Variants in ARB2A observed in about 807,000 individuals in gnomAD.
ARB2A encodes the protein cotranscriptional regulator ARB2A.
At chr5:94,097,133 C>T in the ARB2A span, among the ~76,000 whole-genome samples, 90 of 152,310 alleles carry the variant, frequency 5.9e-4, no homozygotes, top group African/African-American at 1.9e-3. Flanking sequence ...TGCTCCTCTA[C>T]GCGGCTTTAG....
chr5:93,925,104 C>G, the ARB2A span, among the ~76,000 whole-genome samples: 3 of 151,896 alleles, frequency 2.0e-5, no homozygotes, highest in Non-Finnish European at 2.9e-5. Flanking sequence ...AGCATTTCCC[C>G]CCATAGAATA....
chr5:93,764,639 C>T, the ARB2A span, among the ~76,000 whole-genome samples: 65 of 152,298 alleles, frequency 4.3e-4, no homozygotes, highest in African/African-American at 1.3e-3. Context: ...GATACCATTC[C>T]TTCTGAAACT....
At chr5:93,760,173 C>G in the ARB2A span, among the ~76,000 whole-genome samples, 3 of 152,138 alleles carry the variant, frequency 2.0e-5, no homozygotes, top group Non-Finnish European at 4.4e-5. Flanking sequence ...AACAAAACCA[C>G]TTAGGAATAT....
chr5:94,042,876 T>TACA, the ARB2A span, among the ~76,000 whole-genome samples: 1 of 152,212 alleles, frequency 6.6e-6, no homozygotes, highest in Non-Finnish European at 1.5e-5. Flanking sequence ...TACAAAATTG[T>TACA]GTAAGATGCC....
the ARB2A span, among the ~76,000 whole-genome samples, chr5:93,916,710 T>G: frequency 1.3e-5 from 2 of 152,130 alleles, no homozygotes; most frequent in Non-Finnish European, 2.9e-5. Context: ...TGTACTTTCC[T>G]GACCTCAGTT....
the ARB2A span, among the ~76,000 whole-genome samples, chr5:93,907,629 C>A: frequency 6.6e-6 from 1 of 151,280 alleles, no homozygotes; most frequent in Admixed American, 6.6e-5. Flanking sequence ...GTCATTTATA[C>A]CAGAATATTA....
At chr5:93,932,039 C>A in the ARB2A span, among the ~76,000 whole-genome samples, 2 of 152,010 alleles carry the variant, frequency 1.3e-5, no homozygotes, top group Non-Finnish European at 2.9e-5. Context: ...ATTAAGAATT[C>A]AATTTATACA....
chr5:94,046,502 C>T, the ARB2A span, among the ~76,000 whole-genome samples: 3 of 152,146 alleles, frequency 2.0e-5, no homozygotes, highest in African/African-American at 4.8e-5. Context: ...ATGTGGAAAG[C>T]ATGCCCACTT....
At chr5:93,937,153 G>C in the ARB2A span, among the ~76,000 whole-genome samples, 3 of 151,606 alleles carry the variant, frequency 2.0e-5, no homozygotes, top group East Asian at 5.8e-4. Flanking sequence ...GATTACAGGC[G>C]TGAGCCACCG....
the ARB2A span, among the ~76,000 whole-genome samples, chr5:93,871,476 A>C: frequency 3.3e-5 from 5 of 152,216 alleles, no homozygotes; most frequent in African/African-American, 4.8e-5. Context: ...TCAAAGAAGA[A>C]TATACAAAAT....
chr5:93,956,378 C>A, the ARB2A span, among the ~76,000 whole-genome samples: 1 of 152,096 alleles, frequency 6.6e-6, no homozygotes, highest in African/African-American at 2.4e-5. Flanking sequence ...TTAGACAGGG[C>A]TCTACTATTG....
At chr5:93,763,707 T>C in the ARB2A span, among the ~76,000 whole-genome samples, 9 of 152,154 alleles carry the variant, frequency 5.9e-5, no homozygotes, top group African/African-American at 1.9e-4. Flanking sequence ...CTAATAGACA[T>C]TGACAGAACT....
At chr5:93,901,476 A>C in the ARB2A span, among the ~76,000 whole-genome samples, 1 of 152,160 alleles carries the variant, frequency 6.6e-6, no homozygotes, top group African/African-American at 2.4e-5. Flanking sequence ...ACTAATAGTC[A>C]TTATTTGTCC....
At chr5:94,100,654 C>A in the ARB2A span, among the ~76,000 whole-genome samples, 1 of 152,120 alleles carries the variant, frequency 6.6e-6, no homozygotes, top group Admixed American at 6.5e-5. Context: ...ACCATCTAAT[C>A]TTTGACAAAG....
At chr5:93,854,823 C>G in the ARB2A span, among the ~76,000 whole-genome samples, 1 of 152,096 alleles carries the variant, frequency 6.6e-6, no homozygotes, top group African/African-American at 2.4e-5. Flanking sequence ...GTCTGAGAGA[C>G]AGTTTCTTAT....
At chr5:93,862,573 TTA>T in the ARB2A span, 1 of 152,164 alleles carries the variant, frequency 6.6e-6, no homozygotes, top group Non-Finnish European at 1.5e-5. Context: ...ATGCTAAAAA[TTA>T]TGTTATATAC....
chr5:93,852,594 C>A, the ARB2A span, among the ~76,000 whole-genome samples: 3 of 152,036 alleles, frequency 2.0e-5, no homozygotes, highest in Non-Finnish European at 4.4e-5. Flanking sequence ...TTAGGTCTAA[C>A]GTTTAAGTCT....
At chr5:93,879,620 CAA>C in the ARB2A span, among the ~76,000 whole-genome samples, 1 of 151,322 alleles carries the variant, frequency 6.6e-6, no homozygotes, top group Non-Finnish European at 1.5e-5. Flanking sequence ...AGAGGAAAAA[CAA>C]AGCAGATGTG....
At chr5:93,779,121 G>GTGTGTGTT in the ARB2A span, among the ~76,000 whole-genome samples, 1 of 149,004 alleles carries the variant, frequency 6.7e-6, no homozygotes. Context: ...GTGTGTGTGT[G>GTGTGTGTT]TGTGCGCGCG....
Sources: allele counts gnomAD v4.1 joint callset (sites outside exome capture counted in the v4.1 genomes callset), GRCh38; gene constraint gnomAD v4.1.1; transcripts MANE v1.5; gene names NCBI Gene and HGNC (gene_info 2026-07-23, HGNC 2026-07-21).